The following RYR2 variants were observed in gnomAD, a reference collection of about 807,000 sequenced individuals.
RYR2 encodes cardiac muscle ryanodine receptor-calcium release channel.
A neutral mutation model predicts 601.1 loss-of-function variants in RYR2; 227 were observed. That is an observed-to-expected ratio of 0.38 (90% confidence interval 0.34 to 0.42). The LOEUF is 0.42. RYR2 is among the 10% of genes least tolerant of loss of function. RYR2 has a pLI of 1.00. For missense variants in RYR2, 4,646 were observed against 6,156.5 expected (o/e 0.75, Z 8.21); for synonymous variants, 2,223 against 2,175.1 (o/e 1.02, Z -0.61).
chr1:237,408,753 A>G (rs1244410266), intron 10 of RYR2, among the ~76,000 whole-genome samples: 1 of 152,182 alleles, frequency 6.6e-6, no homozygotes, highest in African/African-American at 2.4e-5. Context: ...CTTTGAAACT[A>G]TAGATCAAAT....
intron 24 of RYR2, among the ~76,000 whole-genome samples, chr1:237,530,155 C>CA (rs1252388774): frequency 6.6e-6 from 1 of 151,842 alleles, no homozygotes; most frequent in Admixed American, 6.6e-5. Context: ...ACTAAAAATA[C>CA]AAAAAATTAG....
intron 32 of RYR2, 97 bp downstream of exon 32, chr1:237,591,950 T>G: frequency 1.2e-6 from 1 of 868,880 alleles, no homozygotes; most frequent in Non-Finnish European, 1.7e-6. Context: ...TTAGTAACAT[T>G]ATTTTTAAAA....
chr1:237,743,445 C>T (rs1691793373), intron 80 of RYR2, among the ~76,000 whole-genome samples: 1 of 152,148 alleles, frequency 6.6e-6, no homozygotes, highest in African/African-American at 2.4e-5. Context: ...TTCTCAAAGT[C>T]ATCTTTATTG....
chr1:237,362,975 C>CT (rs1252642744), intron 4 of RYR2, among the ~76,000 whole-genome samples: 3 of 151,868 alleles, frequency 2.0e-5, no homozygotes, highest in Admixed American at 6.6e-5. Flanking sequence ...GCTGACCACT[C>CT]TTTTTTTTGT....
intron 1 of RYR2, among the ~76,000 whole-genome samples, chr1:237,133,522 G>A (rs1274210273): frequency 6.6e-6 from 1 of 152,110 alleles, no homozygotes; most frequent in Non-Finnish European, 1.5e-5. Context: ...CCACTCATTT[G>A]GAATGTCTTT....
chr1:237,063,645 A>G (rs976853168), intron 1 of RYR2, among the ~76,000 whole-genome samples: 2 of 151,964 alleles, frequency 1.3e-5, no homozygotes, highest in Non-Finnish European at 1.5e-5. Context: ...CATTATTATT[A>G]TTCTTTAACA....
chr1:237,691,474 T>C (rs1274706350), intron 63 of RYR2, among the ~76,000 whole-genome samples: 1 of 152,238 alleles, frequency 6.6e-6, no homozygotes, highest in Non-Finnish European at 1.5e-5. Context: ...CGCCTGTGGT[T>C]GAAATATTTT....
At chr1:237,534,055 A>G (rs1329213819) in intron 25 of RYR2, among the ~76,000 whole-genome samples, 1 of 152,126 alleles carries the variant, frequency 6.6e-6, no homozygotes, top group Non-Finnish European at 1.5e-5. Flanking sequence ...TTGGATTCAA[A>G]AAGATAATTT....
intron 1 of RYR2, among the ~76,000 whole-genome samples, chr1:237,174,669 C>G (rs1052443206): frequency 2.6e-5 from 4 of 152,088 alleles, no homozygotes; most frequent in African/African-American, 9.7e-5. Context: ...TTCTAATATC[C>G]CGACTGCTTT....
chr1:237,451,899 T>C (rs1284739861), intron 14 of RYR2, among the ~76,000 whole-genome samples: 1 of 151,748 alleles, frequency 6.6e-6, no homozygotes, highest in African/African-American at 2.4e-5. Flanking sequence ...TCATTTGTGT[T>C]TTTCTTATGT....
rs35910763 is a variant in RYR2, at chr1:237,816,693, GAA to G, written c.14434-2331_14434-2330del. ...GACGGAGCGAGACTCTATGTAGAAA[GAA>G]AAAAAAAAAAAGGAAAAAAGCAATC... On this transcript the variant is annotated intron_variant, in intron 100 of 104. Transcript: ENST00000366574. Among the ~76,000 whole-genome samples the G allele has an allele frequency of 6.8e-3, 977 of 144,670 alleles. 9 individuals are homozygous for G. The highest frequency in any genetic ancestry group is 0.021 in the African/African-American group (853 of 39,866). 94.9% of individuals were successfully genotyped at this position (144,670 alleles called of 152,430 possible). A position where few individuals can be genotyped will look rare whatever the true frequency, so the allele number is the denominator to read the frequency against.
At chr1:237,576,019 T>G (rs990523705) in intron 29 of RYR2, among the ~76,000 whole-genome samples, 10 of 152,282 alleles carry the variant, frequency 6.6e-5, no homozygotes, top group African/African-American at 1.9e-4. Context: ...TAGCAGTAGC[T>G]AGGTATCTCT....
intron 1 of RYR2, among the ~76,000 whole-genome samples, chr1:237,098,387 ATGTGTGTGTGTGTGTG>A (rs937631817): frequency 2.1e-5 from 1 of 47,308 alleles, no homozygotes; most frequent in Non-Finnish European, 6.7e-5. Flanking sequence ...CATTGTGTGT[ATGTGTGTGTGTGTGTG>A]TGTGTGTGTG....
At chr1:237,621,387 A>G (rs1364036601) in intron 38 of RYR2, among the ~76,000 whole-genome samples, 1 of 152,184 alleles carries the variant, frequency 6.6e-6, no homozygotes, top group Non-Finnish European at 1.5e-5. Context: ...TAAAGCAAGC[A>G]GAAAGAAGTC....
rs1677737828 is a variant in RYR2 at position 237,610,636 on chromosome 1, A to G, written c.4684-126A>G. 1.4e-6 allele frequency: 1 copy of G among 729,782 alleles called. No individual in the cohort carries two copies. The highest frequency in any genetic ancestry group is 2.2e-6 in the Non-Finnish European group (1 of 449,126). The allele number at this position is 729,782 out of a possible 1,614,324, so 45.2% of individuals were successfully genotyped here. On this transcript the variant is annotated intron_variant, in intron 35 of 104. Transcript: ENST00000366574. This position sits in a 1 kb window ranked among gnomAD's most constrained non-coding sequence, Gnocchi z 4.9. ...CCAATTTCTATGATTTCTTGTGTTG[A>G]CTTTGCTTGACTCATAGGGTTATCT...
chr1:237,511,456 G>A (rs1196737885), intron 23 of RYR2, among the ~76,000 whole-genome samples: 1 of 152,008 alleles, frequency 6.6e-6, no homozygotes, highest in Non-Finnish European at 1.5e-5. Flanking sequence ...TGCATGGCGG[G>A]GGTTCATGGA....
chr1:237,641,042 T>C, intron 47 of RYR2, 40 bp downstream of exon 47: 1 of 1,484,458 alleles, frequency 6.7e-7, no homozygotes, highest in South Asian at 1.2e-5. Flanking sequence ...TCCTGATTTC[T>C]CTGTGTTAAG....
At chr1:237,757,655 G>T (rs1253685464) in intron 81 of RYR2, 42 bp from the exon 82 acceptor site, 7 of 1,289,598 alleles carry the variant, frequency 5.4e-6, no homozygotes, top group Non-Finnish European at 7.9e-6. Flanking sequence ...TAATATAGAA[G>T]GCGAAATGAT....
At chr1:237,611,353 G>C (rs911757435) in intron 36 of RYR2, among the ~76,000 whole-genome samples, 1 of 152,018 alleles carries the variant, frequency 6.6e-6, no homozygotes, top group African/African-American at 2.4e-5. Context: ...ATTAGAGATG[G>C]AATCATAAGA....
Sources: allele counts gnomAD v4.1 joint callset (sites outside exome capture counted in the v4.1 genomes callset), GRCh38; gene constraint gnomAD v4.1.1; non-coding constraint Gnocchi (gnomAD v3.1); transcripts MANE v1.5; gene names NCBI Gene and HGNC (gene_info 2026-07-23, HGNC 2026-07-21).